The following MIPEP variants were observed in gnomAD, a reference collection of about 807,000 sequenced individuals.
MIPEP encodes the protein mitochondrial intermediate peptidase.
In MIPEP, 79 loss-of-function variants were observed where a neutral mutation model predicts 90.3. The ratio of observed to expected loss-of-function variants is 0.87; its 90% CI spans 0.73 to 1.05. The LOEUF (loss-of-function observed/expected upper bound fraction) is 1.05. Ranked by LOEUF, MIPEP falls within the 50% of genes least tolerant of loss-of-function variation. The pLI, the probability that MIPEP is intolerant of heterozygous loss-of-function variation, is 0.00. For missense variants in MIPEP, 940 were observed against 905.6 expected (o/e 1.04, Z -0.49); for synonymous variants, 334 against 315.8 (o/e 1.06, Z -0.61).
chr13:23,803,610 A>G, intron 16 of MIPEP, among the ~76,000 whole-genome samples: 1 of 152,110 alleles, frequency 6.6e-6, no homozygotes, highest in East Asian at 1.9e-4. Context: ...TTGAGAGTCT[A>G]TTAATTTGCT....
intron 16 of MIPEP, among the ~76,000 whole-genome samples, chr13:23,794,661 G>A (rs1952936738): frequency 6.6e-6 from 1 of 151,740 alleles, no homozygotes; most frequent in Non-Finnish European, 1.5e-5. Context: ...ATTGCAGGCC[G>A]AGAAGAAAAA....
At chr13:23,815,427 C>T (rs1171091861) in intron 14 of MIPEP, among the ~76,000 whole-genome samples, 1 of 152,028 alleles carries the variant, frequency 6.6e-6, no homozygotes, top group Non-Finnish European at 1.5e-5. Context: ...GTGATACCTC[C>T]CACCTCAGCT....
At position 23,886,514 on chromosome 13, in the gene MIPEP, CCAAAGAAT is replaced by C; in HGVS notation, c.190-16_190-9del. ...AGGAACTCCAAAAAGACCCTTAGAA[CCAAAGAAT>C]ACGTCTGATTTATAACCAAAATTCA... On this transcript the variant is annotated splice_polypyrimidine_tract_variant and intron_variant, in intron 1 of 18. Coordinates refer to ENST00000382172, the MANE Select transcript of MIPEP (RefSeq NM_005932.4). 1.3e-6 allele frequency: 2 copies of C among 1,548,404 alleles called. No homozygotes were observed. The highest frequency in any genetic ancestry group is 2.4e-5 in the East Asian group (1 of 42,146).
chr13:23,886,425 G>T lies in MIPEP; in HGVS notation c.271C>A (p.Leu91Ile). ...GGGGTGGAACATGCACGGTCCACAA[G>T]CAATTCTGTCTTTCTCAAGGCTTTT... ...QEKALRKTEL[L>I]VDRACSTPPG... Residue 91 changes from leucine to isoleucine, a missense_variant, in exon 2 of 19, where the codon CTT becomes ATT. Coordinates refer to ENST00000382172, the MANE Select transcript of MIPEP (RefSeq NM_005932.4). 1 of 1,608,908 alleles carries T rather than the reference G, an allele frequency of 6.2e-7. No homozygotes were observed. The highest frequency in any genetic ancestry group is 2.3e-5 in the East Asian group (1 of 44,412).
At chr13:23,834,484 G>C (rs570636791) in intron 14 of MIPEP, among the ~76,000 whole-genome samples, 1 of 152,246 alleles carries the variant, frequency 6.6e-6, no homozygotes, top group African/African-American at 2.4e-5. Context: ...ATTAAAGACC[G>C]CGGGCAATGG....
At chr13:23,869,896 G>T in intron 6 of MIPEP, 117 bp downstream of exon 6, 2 of 660,314 alleles carry the variant, frequency 3.0e-6, no homozygotes, top group Non-Finnish European at 4.7e-6. Flanking sequence ...AATTTTTAGG[G>T]CTTAGTAATG....
At chr13:23,843,250 A>C (rs4436650) in intron 10 of MIPEP, among the ~76,000 whole-genome samples, 7,631 of 152,036 alleles carry the variant, frequency 0.05, 230 homozygotes, top group Middle Eastern at 0.075. Context: ...TCTAGAAAGG[A>C]TGTGGTTAAA....
chr13:23,762,824 T>C (rs1952561959), intron 16 of MIPEP, among the ~76,000 whole-genome samples: 1 of 152,120 alleles, frequency 6.6e-6, no homozygotes, highest in African/African-American at 2.4e-5. Context: ...AACAGTACCA[T>C]GAATACACAA....
chr13:23,866,510 T>A (rs923695814), intron 7 of MIPEP, among the ~76,000 whole-genome samples: 1 of 152,084 alleles, frequency 6.6e-6, no homozygotes, highest in Admixed American at 6.5e-5. Flanking sequence ...CCAGCCCTCC[T>A]CACATCTGAC....
intron 13 of MIPEP, among the ~76,000 whole-genome samples, chr13:23,837,275 C>T (rs1242536987): frequency 6.6e-6 from 1 of 152,094 alleles, no homozygotes; most frequent in Non-Finnish European, 1.5e-5. Context: ...TAGCCACAAA[C>T]TTAAATTCAA....
At chr13:23,766,622 T>C (rs1952593530) in intron 16 of MIPEP, among the ~76,000 whole-genome samples, 1 of 152,226 alleles carries the variant, frequency 6.6e-6, no homozygotes, top group Non-Finnish European at 1.5e-5. Context: ...GTTCCATGCA[T>C]CACTGGAGAC....
intron 3 of MIPEP, among the ~76,000 whole-genome samples, chr13:23,880,720 TTTTC>T (rs1871239449): frequency 6.6e-6 from 1 of 152,130 alleles, no homozygotes; most frequent in Non-Finnish European, 1.5e-5. Context: ...CGCAAGTTGG[TTTTC>T]AGCGGCTATG....
chr13:23,854,053 C>T lies in MIPEP; in HGVS notation c.1106+4807G>A, dbSNP rs147833396. ...AAAAATCTTGGTAATTGGCCAGGCG[C>T]GGTGGCTCACGCCTGTAATCCCAGC... On this transcript the variant is annotated intron_variant, in intron 10 of 18. Transcript: ENST00000382172. Among the ~76,000 whole-genome samples, 89 of 151,742 alleles carry T rather than the reference C, an allele frequency of 5.9e-4. No homozygotes were observed. The East Asian group carries it at 5.9e-3, about 10-fold the overall frequency.
At chr13:23,847,818 T>C (rs752451148) in intron 10 of MIPEP, among the ~76,000 whole-genome samples, 15 of 152,198 alleles carry the variant, frequency 9.9e-5, no homozygotes, top group Non-Finnish European at 1.8e-4. Context: ...TTAGAATAAC[T>C]GGTGAAGCAA....
At chr13:23,857,373 C>T (rs1870090110) in intron 10 of MIPEP, among the ~76,000 whole-genome samples, 1 of 152,072 alleles carries the variant, frequency 6.6e-6, no homozygotes. Flanking sequence ...AGCTAACCAA[C>T]CTGGGCAACA....
chr13:23,864,967 A>G (rs2137507560), intron 7 of MIPEP, among the ~76,000 whole-genome samples: 1 of 152,276 alleles, frequency 6.6e-6, no homozygotes, highest in African/African-American at 2.4e-5. Context: ...TAACAATTTT[A>G]TTGTTATATA....
intron 16 of MIPEP, among the ~76,000 whole-genome samples, chr13:23,771,135 C>T (rs1952645787): frequency 6.6e-6 from 1 of 152,180 alleles, no homozygotes. Context: ...TCTGCACTTA[C>T]CGGCTGCACA....
At chr13:23,807,353 C>T (rs4770496) in intron 15 of MIPEP, among the ~76,000 whole-genome samples, 32,575 of 152,192 alleles carry the variant, frequency 0.21, 4,173 homozygotes, top group East Asian at 0.45. Flanking sequence ...CAAATTTTGA[C>T]ACGCAATTAT....
chr13:23,738,979 C>T lies in MIPEP; in HGVS notation c.2045-8534G>A, dbSNP rs74400803. On this transcript the variant is annotated intron_variant, in intron 18 of 18. Coordinates refer to ENST00000382172, the MANE Select transcript of MIPEP (RefSeq NM_005932.4). ...ATGGCTCAGATGGACCTGCGGAAAC[C>T]TGTTAAGCCTGAAAATGAGATGTCG... Among the ~76,000 whole-genome samples the T allele has an allele frequency of 2.1e-3, 319 of 152,334 alleles. 2 individuals carry two copies. The highest frequency in any genetic ancestry group is 7.1e-3 in the African/African-American group (296 of 41,588).
Sources: gnomAD v4.1 joint callset for allele counts (sites outside exome capture counted in the v4.1 genomes callset) on GRCh38, gnomAD v4.1.1 for gene constraint, MANE v1.5 for transcripts, NCBI Gene and HGNC (gene_info 2026-07-23, HGNC 2026-07-21) for gene names.